The following PRMT3 variants were observed in gnomAD, a reference collection of about 807,000 sequenced individuals.
PRMT3 encodes protein arginine methyltransferase 3.
In PRMT3, 62 loss-of-function variants were observed where a neutral mutation model predicts 71.9. The observed-to-expected ratio is 0.86, with a 90% confidence interval of 0.70 to 1.07. The LOEUF is 1.07. Ranked by LOEUF, PRMT3 falls within the 50% of genes least tolerant of loss-of-function variation. PRMT3 has a pLI of 0.00. For missense variants in PRMT3, 663 were observed against 643.0 expected (o/e 1.03, Z -0.34); for synonymous variants, 213 against 220.4 (o/e 0.97, Z 0.30).
At chr11:20,477,904 C>G (rs1850835208) in intron 13 of PRMT3, among the ~76,000 whole-genome samples, 1 of 151,396 alleles carries the variant, frequency 6.6e-6, no homozygotes. Flanking sequence ...CCAACTCTGC[C>G]TTTTGGATTT....
At chr11:20,453,128 T>C (rs913782203) in intron 11 of PRMT3, among the ~76,000 whole-genome samples, 2 of 151,936 alleles carry the variant, frequency 1.3e-5, no homozygotes, top group Non-Finnish European at 2.9e-5. Flanking sequence ...GACTTGACCA[T>C]AGTTATGCCT....
Position 20,508,449 on chromosome 11 carries a change from A to G in PRMT3, c.*36A>G. 6.9e-7 allele frequency: 1 copy of G among 1,449,148 alleles called. No individual in the cohort carries two copies. Among genetic ancestry groups the G allele is most frequent in the South Asian group, 1.1e-5 (1 of 87,730 alleles). The allele number at this position is 1,449,148 out of a possible 1,614,324, so 89.8% of individuals were successfully genotyped here. ...AAAGCACACTACCTTGTAGTTTTTA[A>G]TGTGGGGGTAGAGTGGGTCAGCAGG... is the stretch of plus-strand genomic sequence containing the variant. On this transcript the variant is annotated 3_prime_UTR_variant, in exon 16 of 16. Coordinates refer to ENST00000331079, the MANE Select transcript of PRMT3 (RefSeq NM_005788.4).
intron 10 of PRMT3, among the ~76,000 whole-genome samples, chr11:20,428,578 C>T (rs761435922): frequency 1.9e-4 from 29 of 152,158 alleles, no homozygotes; most frequent in Non-Finnish European, 3.7e-4. Context: ...TTAATAACTG[C>T]AGTTAGCTGG....
At chr11:20,467,923 G>T (rs1052332967) in intron 13 of PRMT3, among the ~76,000 whole-genome samples, 1 of 152,110 alleles carries the variant, frequency 6.6e-6, no homozygotes, top group Admixed American at 6.6e-5. Context: ...GATGGTATCA[G>T]CTCCTTACCC....
intron 10 of PRMT3, among the ~76,000 whole-genome samples, chr11:20,433,424 T>C (rs541908701): frequency 1.1e-4 from 17 of 152,296 alleles, no homozygotes; most frequent in Admixed American, 1.1e-3. Flanking sequence ...CTATGGTGTA[T>C]CTGTGACACC....
chr11:20,428,939 T>A (rs1849601208), intron 10 of PRMT3, among the ~76,000 whole-genome samples: 1 of 152,196 alleles, frequency 6.6e-6, no homozygotes, highest in South Asian at 2.1e-4. Context: ...CAGCCCTGGG[T>A]TCTTGTAGCA....
At chr11:20,504,775 C>A (rs1395686964) in intron 15 of PRMT3, among the ~76,000 whole-genome samples, 1 of 146,762 alleles carries the variant, frequency 6.8e-6, no homozygotes, top group Non-Finnish European at 1.5e-5. Context: ...GGTCTGTCGC[C>A]CAGGCTGGAG....
chr11:20,452,070 G>A, intron 10 of PRMT3, 60 bp from the exon 11 acceptor site: 2 of 1,199,200 alleles, frequency 1.7e-6, no homozygotes, highest in South Asian at 3.0e-5. Flanking sequence ...TGTTTAAATT[G>A]ACCTGCTTAT....
chr11:20,408,074 T>G (rs768084873), intron 9 of PRMT3, 42 bp downstream of exon 9: 5 of 1,360,078 alleles, frequency 3.7e-6, no homozygotes, highest in Non-Finnish European at 5.0e-6. Flanking sequence ...ATTTTAAAAT[T>G]TAATGATTAT....
At position 20,478,913 on chromosome 11, in the gene PRMT3, T is replaced by C. The variant is rs190803930; in HGVS notation, c.1347+14367T>C. Among the ~76,000 whole-genome samples the C allele has an allele frequency of 2.5e-3, 387 of 152,352 alleles. 1 individual carries two copies. The highest frequency in any genetic ancestry group is 4.6e-3 in the Non-Finnish European group (310 of 68,038). ...AGCTCTTAGTACTTTTTGTTGTAAG[T>C]TGACCTAATTTTGACCTTACAAAGC... is the stretch of plus-strand genomic sequence containing the variant. On this transcript the variant is annotated intron_variant, in intron 13 of 15. Coordinates refer to ENST00000331079, the MANE Select transcript of PRMT3 (RefSeq NM_005788.4).
chr11:20,423,873 TAAAAAAAAAAAAA>T (rs58636447), intron 9 of PRMT3, among the ~76,000 whole-genome samples: 1,352 of 27,166 alleles, frequency 0.05, 57 homozygotes, highest in African/African-American at 0.15. Context: ...GATTCTCTCT[TAAAAAAAAAAAAA>T]AAAAAAAAAA....
At chr11:20,480,938 G>A (rs1354843257) in intron 13 of PRMT3, among the ~76,000 whole-genome samples, 1 of 152,132 alleles carries the variant, frequency 6.6e-6, no homozygotes, top group African/African-American at 2.4e-5. Context: ...TATGTAAGTA[G>A]TGATATCCAG....
chr11:20,387,759 G>A lies in PRMT3; in HGVS notation c.13G>A (p.Ala5Thr). MCSL[A>T]SGATGGRGAV... ...GGGCACCACAGCCATGTGCTCGTTAGCGTCAGGCGCTACCGGTGGGTACCC... is the reference window on the plus strand; with the variant it reads ...GGGCACCACAGCCATGTGCTCGTTAACGTCAGGCGCTACCGGTGGGTACCC... The change falls in exon 1 of 16, where the codon GCG (alanine) becomes ACG (threonine). Residue 5 changes from alanine to threonine, a missense_variant. Ala to Thr is a moderately conservative substitution (Grantham distance 58, BLOSUM62 0). Coordinates refer to ENST00000331079, the MANE Select transcript of PRMT3 (RefSeq NM_005788.4). The surrounding 1 kb of genome is among the most constrained non-coding windows in gnomAD (Gnocchi z 4.3). The A allele has an allele frequency of 1.3e-6, 2 of 1,541,838 alleles. No individual in the cohort carries two copies. Among genetic ancestry groups the A allele is most frequent in the Non-Finnish European group, 1.7e-6 (2 of 1,146,212 alleles).
rs185493340 is a variant in PRMT3 at position 20,455,328 on chromosome 11, C to G, written c.1072+3120C>G. On this transcript the variant is annotated intron_variant, in intron 11 of 15. Coordinates refer to ENST00000331079, the MANE Select transcript of PRMT3 (RefSeq NM_005788.4). ...ATTGCTTTATCTTTAATAATAGAAA[C>G]TTAAAGAATATTATTTAAAGCTGAT... Among the ~76,000 whole-genome samples, 1,201 of 152,122 alleles carry G rather than the reference C, an allele frequency of 7.9e-3. 21 individuals carry two copies. The highest frequency in any genetic ancestry group is 0.027 in the African/African-American group (1,131 of 41,516).
intron 13 of PRMT3, among the ~76,000 whole-genome samples, chr11:20,485,513 G>T (rs1851050331): frequency 6.6e-6 from 1 of 152,082 alleles, no homozygotes; most frequent in Non-Finnish European, 1.5e-5. Flanking sequence ...TTAAAATACG[G>T]TTTGGAAAAG....
intron 13 of PRMT3, among the ~76,000 whole-genome samples, chr11:20,481,963 G>A (rs1565232343): frequency 2.0e-5 from 3 of 149,782 alleles, no homozygotes; most frequent in East Asian, 1.9e-4. Flanking sequence ...AGAAGATAAC[G>A]TTTCCTGCTT....
intron 10 of PRMT3, among the ~76,000 whole-genome samples, chr11:20,437,836 G>A (rs566128888): frequency 9.9e-5 from 15 of 152,050 alleles, no homozygotes; most frequent in Non-Finnish European, 1.8e-4. Context: ...TGATCCGCCC[G>A]CCTCGGCCTC....
chr11:20,504,562 T>A (rs1285937983), intron 15 of PRMT3, among the ~76,000 whole-genome samples: 2 of 152,184 alleles, frequency 1.3e-5, no homozygotes, highest in African/African-American at 4.8e-5. Flanking sequence ...AAAATTGACA[T>A]CTTAACAACA....
At chr11:20,503,475 A>G (rs1228695505) in intron 15 of PRMT3, among the ~76,000 whole-genome samples, 1 of 152,162 alleles carries the variant, frequency 6.6e-6, no homozygotes, top group Non-Finnish European at 1.5e-5. Context: ...CCATCACTCC[A>G]AAAAGTTTCT....
Sources: gnomAD v4.1 joint callset for allele counts (sites outside exome capture counted in the v4.1 genomes callset) on GRCh38, gnomAD v4.1.1 for gene constraint, Gnocchi (gnomAD v3.1) non-coding constraint, MANE v1.5 for transcripts, NCBI Gene and HGNC (gene_info 2026-07-23, HGNC 2026-07-21) for gene names.